The following ATRX variants were observed in gnomAD, a reference collection of about 807,000 sequenced individuals.
ATRX encodes the protein ATRX chromatin remodeler.
In ATRX, 12 loss-of-function variants were observed where a neutral mutation model predicts 172.6. The ratio of observed to expected loss-of-function variants is 0.07; its 90% CI spans 0.04 to 0.11. The LOEUF (loss-of-function observed/expected upper bound fraction) is 0.11, where lower values mean the gene tolerates loss of function less well. Among genes scored for constraint, ATRX ranks in the 10% least tolerant of loss-of-function variants. The pLI is 1.00. For missense variants in ATRX, 1,368 were observed against 1,767.4 expected, an observed-to-expected ratio of 0.77 and a Z score of 4.05; for synonymous variants, 674 against 594.7, an observed-to-expected ratio of 1.13 and a Z score of -1.94.
At position 77,618,869 on chromosome X, in the gene ATRX, T is replaced by C. The variant is rs782248535; in HGVS notation, c.5385A>G (p.Val1795=). The C allele has an allele frequency of 8.3e-7, 1 of 1,209,554 alleles. No homozygotes were observed. Among genetic ancestry groups the C allele is most frequent in the Non-Finnish European group, 1.1e-6 (1 of 893,415 alleles). Residue 1795 remains valine, a synonymous_variant, in exon 21 of 35, where the codon GTA becomes GTG. Coordinates refer to ENST00000373344, the MANE Select transcript of ATRX (RefSeq NM_000489.6). ...CACGTTTTTTCATCACTCTGACATCTACCATGGTAGAATCTGCACACTGAC... is the reference window on the plus strand; with the variant it reads ...CACGTTTTTTCATCACTCTGACATCCACCATGGTAGAATCTGCACACTGAC... ...QNGQCADSTM[V]DVRVMKKRAH... is the part of the protein sequence containing the mutation.
intron 30 of ATRX, among the ~76,000 whole-genome samples, chrX:77,550,057 T>A (rs1467372545): frequency 8.9e-6 from 1 of 112,356 alleles, no homozygotes; most frequent in African/African-American, 3.2e-5. Context: ...AAATTAAGAA[T>A]CTAACTGAAG....
intron 22 of ATRX, among the ~76,000 whole-genome samples, chrX:77,609,273 T>C (rs782309707): frequency 3.6e-5 from 4 of 111,490 alleles, no homozygotes; most frequent in South Asian, 3.8e-4. Flanking sequence ...ATTGAAGAGA[T>C]TGGCACTCCT....
chrX:77,726,944 AG>A lies in ATRX; in HGVS notation c.21-9702del, dbSNP rs782428681. Among the ~76,000 whole-genome samples, 1,003 of 111,400 alleles carry A rather than the reference AG, an allele frequency of 9.0e-3. 7 individuals carry two copies. Among genetic ancestry groups the A allele is most frequent in the Non-Finnish European group, 0.015 (786 of 53,098 alleles). On this transcript the variant is annotated intron_variant, in intron 1 of 34. Coordinates refer to ENST00000373344, the MANE Select transcript of ATRX (RefSeq NM_000489.6). ...TAGTGTTTTTTTATCCATCTGACAA[AG>A]GGCTAATATCCAGAATCTACAAAGA... is the stretch of plus-strand genomic sequence containing the variant.
chrX:77,698,053 G>A (rs1390428762), intron 3 of ATRX, among the ~76,000 whole-genome samples: 2 of 111,372 alleles, frequency 1.8e-5, no homozygotes, highest in Non-Finnish European at 3.8e-5. Flanking sequence ...CTAACATATG[G>A]CATGAAGTAA....
intron 1 of ATRX, among the ~76,000 whole-genome samples, chrX:77,721,136 C>A (rs1362800602): frequency 9.0e-6 from 1 of 111,530 alleles, no homozygotes; most frequent in East Asian, 2.8e-4. Flanking sequence ...CTCCTTCACG[C>A]TAAAAACTCT....
At chrX:77,597,502 CAGAGT>C (rs782208788) in intron 25 of ATRX, among the ~76,000 whole-genome samples, 389 of 109,865 alleles carry the variant, frequency 3.5e-3, no homozygotes, top group African/African-American at 0.012. Context: ...AAACTATCAA[CAGAGT>C]AAACAGACAA....
chrX:77,780,196 G>C (rs1229565189), intron 1 of ATRX, among the ~76,000 whole-genome samples: 1 of 111,666 alleles, frequency 9.0e-6, no homozygotes, highest in Non-Finnish European at 1.9e-5. Context: ...ACCTAACCAT[G>C]TAAGTTTTAA....
intron 1 of ATRX, among the ~76,000 whole-genome samples, chrX:77,752,133 A>G (rs1458948234): frequency 9.0e-6 from 1 of 111,508 alleles, no homozygotes; most frequent in Non-Finnish European, 1.9e-5. Context: ...ATGTTTTTCC[A>G]TTTGTTTGCG....
In ATRX at chrX:77,683,833, G is replaced by A. The variant is rs146863015; in HGVS notation, c.1423C>T (p.His475Tyr). 19 of 1,208,431 alleles carry A rather than the reference G, an allele frequency of 1.6e-5. No homozygotes were observed. Among genetic ancestry groups the A allele is most frequent in the Non-Finnish European group, 2.1e-5 (19 of 893,803 alleles). Residue 475 changes from histidine (H) to tyrosine (Y), a missense_variant, in exon 9 of 35, where the codon CAT (histidine) becomes TAT (tyrosine). Physicochemically the swap from His to Tyr is moderately conservative, Grantham distance 83 (BLOSUM62 2). Transcript: ENST00000373344. The part of the protein sequence containing the change: ...SRKQVDSEHM[H>Y]QNVPTEEQRT... ...TGTTCCTCTGTTGGAACATTCTGAT[G>A]CATGTGCTCACTATCTACCTGTTTT...
chrX:77,624,300 G>A (rs782348599), intron 19 of ATRX, among the ~76,000 whole-genome samples: 1 of 111,204 alleles, frequency 9.0e-6, no homozygotes, highest in Non-Finnish European at 1.9e-5. Flanking sequence ...CCGGGAGGCG[G>A]AGCTTGCAGT....
At chrX:77,521,543 A>G (rs2063232337) in intron 32 of ATRX, 45 bp from the exon 33 acceptor site, 1 of 1,009,998 alleles carries the variant, frequency 9.9e-7, no homozygotes, top group Non-Finnish European at 1.4e-6. Flanking sequence ...GAAAGACAGC[A>G]TAGTGTTAAA....
intron 6 of ATRX, among the ~76,000 whole-genome samples, chrX:77,692,846 A>AGTGTGTGTGTGTGTGTGTGT (rs3063059): frequency 1.2e-5 from 1 of 82,105 alleles, no homozygotes; most frequent in Non-Finnish European, 2.4e-5. Context: ...CCAATATTAG[A>AGTGTGTGTGTGTGTGTGTGT]GTGTGTGTGT....
At chrX:77,607,147 A>C (rs2066942745) in intron 22 of ATRX, among the ~76,000 whole-genome samples, 1 of 112,092 alleles carries the variant, frequency 8.9e-6, no homozygotes, top group African/African-American at 3.2e-5. Context: ...TAATCAAAGA[A>C]GATAAAGAAA....
At chrX:77,588,729 G>A (rs1450346089) in intron 27 of ATRX, among the ~76,000 whole-genome samples, 4 of 111,268 alleles carry the variant, frequency 3.6e-5, no homozygotes, top group African/African-American at 9.8e-5. Context: ...TATATGATAG[G>A]GGCCTAGTAT....
intron 1 of ATRX, among the ~76,000 whole-genome samples, chrX:77,722,399 A>T (rs1251370696): frequency 2.7e-5 from 3 of 111,215 alleles, no homozygotes; most frequent in Non-Finnish European, 5.7e-5. Context: ...CAGAGTGAAC[A>T]GGCAACCTAC....
chrX:77,712,452 T>TA (rs1302829086), intron 2 of ATRX, among the ~76,000 whole-genome samples: 2 of 112,515 alleles, frequency 1.8e-5, no homozygotes, highest in African/African-American at 6.5e-5. Flanking sequence ...GAACTATAGT[T>TA]ACGTTTCTTT....
intron 7 of ATRX, among the ~76,000 whole-genome samples, chrX:77,687,592 A>T (rs1158037563): frequency 8.9e-6 from 1 of 112,021 alleles, no homozygotes; most frequent in African/African-American, 3.2e-5. Context: ...ACAATCACAT[A>T]GATAAGAAAA....
intron 22 of ATRX, among the ~76,000 whole-genome samples, chrX:77,615,075 T>C (rs782552319): frequency 9.0e-6 from 1 of 111,627 alleles, no homozygotes; most frequent in Non-Finnish European, 1.9e-5. Flanking sequence ...CATGTCTCAC[T>C]GCAGCCTTGA....
At chrX:77,513,145 G>A (rs986013939) in intron 34 of ATRX, among the ~76,000 whole-genome samples, 2 of 107,332 alleles carry the variant, frequency 1.9e-5, no homozygotes, top group Admixed American at 1.0e-4. Context: ...GTGAAACCCC[G>A]TCTCTACTAA....
Sources: gnomAD v4.1 joint callset for allele counts (sites outside exome capture counted in the v4.1 genomes callset) on GRCh38, gnomAD v4.1.1 for gene constraint, MANE v1.5 for transcripts, NCBI Gene and HGNC (gene_info 2026-07-23, HGNC 2026-07-21) for gene names.